CNTRL: variants seen among roughly 807,000 people sequenced by gnomAD.
CNTRL encodes the protein 110 kDa centrosomal protein.
Under a neutral mutation model 303.7 loss-of-function variants are expected in CNTRL, and 233 were observed. That is an observed-to-expected ratio of 0.77 (90% CI 0.69 to 0.86). CNTRL has a LOEUF of 0.86. CNTRL is among the 40% of genes least tolerant of loss of function. CNTRL has a pLI of 0.00. For missense variants in CNTRL, 2,524 were observed against 2,650.6 expected (o/e 0.95, Z 1.05); for synonymous variants, 900 against 922.2 (o/e 0.98, Z 0.44).
At chr9:121,090,843 A>G (rs2048538540) in intron 4 of CNTRL, among the ~76,000 whole-genome samples, 1 of 152,202 alleles carries the variant, frequency 6.6e-6, no homozygotes, top group Non-Finnish European at 1.5e-5. Context: ...ATAAAGACAT[A>G]CCCAAGACTG....
intron 21 of CNTRL, 100 bp downstream of exon 21, chr9:121,145,059 A>C (rs1371145659): frequency 5.0e-6 from 6 of 1,188,528 alleles, no homozygotes; most frequent in Non-Finnish European, 4.9e-6. Context: ...TCTGAAGTGC[A>C]ATCAATAGTT....
intron 7 of CNTRL, among the ~76,000 whole-genome samples, chr9:121,098,835 A>C (rs1379986991): frequency 6.6e-6 from 1 of 151,680 alleles, no homozygotes; most frequent in Non-Finnish European, 1.5e-5. Flanking sequence ...CAGACAAAAA[A>C]AAAAACAAAA....
At chr9:121,127,089 G>A (rs922913624) in intron 14 of CNTRL, among the ~76,000 whole-genome samples, 2 of 152,146 alleles carry the variant, frequency 1.3e-5, no homozygotes, top group African/African-American at 4.8e-5. Flanking sequence ...GAAAGTGCTC[G>A]GATTACAGGT....
At chr9:121,131,388 C>A (rs1033531756) in intron 14 of CNTRL, among the ~76,000 whole-genome samples, 8 of 152,072 alleles carry the variant, frequency 5.3e-5, no homozygotes, top group African/African-American at 1.4e-4. Context: ...TTATGTAATA[C>A]CCTTCTTTGT....
intron 14 of CNTRL, among the ~76,000 whole-genome samples, chr9:121,128,593 C>G (rs1219136019): frequency 6.6e-6 from 1 of 152,112 alleles, no homozygotes; most frequent in African/African-American, 2.4e-5. Flanking sequence ...CTGTAGGTTG[C>G]CTGTTCACTC....
At chr9:121,085,254 A>G (rs1190927257) in intron 2 of CNTRL, among the ~76,000 whole-genome samples, 1 of 152,198 alleles carries the variant, frequency 6.6e-6, no homozygotes, top group Non-Finnish European at 1.5e-5. Context: ...TGTGGGAGTT[A>G]GTGACTGGAA....
Position 121,158,949 on chromosome 9 carries a change from C to T in CNTRL, c.4859C>T (p.Ala1620Val). 1 of 1,614,132 alleles carries T rather than the reference C, an allele frequency of 6.2e-7. No homozygotes were observed. The highest frequency in any genetic ancestry group is 8.5e-7 in the Non-Finnish European group (1 of 1,179,996). Residue 1620 changes from alanine to valine, a missense_variant, in exon 31 of 44, where the codon GCA becomes GTA. Ala to Val is a moderately conservative substitution (Grantham distance 64). Coordinates refer to ENST00000373855, the MANE Select transcript of CNTRL (RefSeq NM_007018.6). ...CTACTCCAAGGAAGCATGGTCCAGG[C>T]AAAAGCTGACCTCCAGGAAGCTCTG... ...LHLLQGSMVQ[A>V]KADLQEALRL...
At chr9:121,155,225 CTGTG>C (rs2052506832) in intron 27 of CNTRL, among the ~76,000 whole-genome samples, 1 of 152,094 alleles carries the variant, frequency 6.6e-6, no homozygotes, top group Admixed American at 6.6e-5. Context: ...CGTCCTTATC[CTGTG>C]TGTATCTTTT....
intron 43 of CNTRL, among the ~76,000 whole-genome samples, chr9:121,176,786 CCT>C (rs1300126172): frequency 6.6e-6 from 1 of 152,096 alleles, no homozygotes; most frequent in Non-Finnish European, 1.5e-5. Context: ...ATTTTATTTC[CCT>C]TTTTTTCTGG....
intron 20 of CNTRL, 110 bp downstream of exon 20, chr9:121,144,192 G>A (rs2051695689): frequency 2.1e-6 from 2 of 951,604 alleles, no homozygotes; most frequent in East Asian, 2.7e-5. Flanking sequence ...ATAAACCACT[G>A]TAAAGTTGTC....
At chr9:121,113,009 G>A (rs2049816333) in intron 9 of CNTRL, among the ~76,000 whole-genome samples, 1 of 152,150 alleles carries the variant, frequency 6.6e-6, no homozygotes, top group Admixed American at 6.6e-5. Flanking sequence ...GTCACTGCAA[G>A]TGAGGAAATG....
At chr9:121,165,128 T>C (rs892763071) in intron 35 of CNTRL, 28 bp downstream of exon 35, 3 of 1,527,976 alleles carry the variant, frequency 2.0e-6, no homozygotes, top group Non-Finnish European at 2.6e-6. Flanking sequence ...AGTGAAAGTG[T>C]GTGATTTCCT....
At chr9:121,154,287 T>G (rs185839616) in intron 26 of CNTRL, among the ~76,000 whole-genome samples, 1 of 152,334 alleles carries the variant, frequency 6.6e-6, no homozygotes, top group Admixed American at 6.5e-5. Context: ...GAGTTTTACT[T>G]CAGCCGAATG....
chr9:121,158,839 C>G lies in CNTRL; in HGVS notation c.4765-16C>G, dbSNP rs1335448388. 6.2e-7 allele frequency: 1 copy of G among 1,612,738 alleles called. No individual in the cohort carries two copies. The highest frequency in any genetic ancestry group is 1.1e-5 in the South Asian group (1 of 90,980). The stretch of plus-strand genomic sequence containing the variant: ...TGGCCTTTGTCAAACTTACTCTTCC[C>G]TTTTCTTTAATACAGGTGACAAGTC... On this transcript the variant is annotated splice_polypyrimidine_tract_variant and intron_variant, in intron 30 of 43. Coordinates refer to ENST00000373855, the MANE Select transcript of CNTRL (RefSeq NM_007018.6).
At chr9:121,101,674 A>C (rs1436820898) in intron 7 of CNTRL, among the ~76,000 whole-genome samples, 1 of 152,220 alleles carries the variant, frequency 6.6e-6, no homozygotes. Flanking sequence ...AAAGAAGAAA[A>C]GAGAGAAGAA....
chr9:121,176,920 T>C (rs1382292874), intron 43 of CNTRL, among the ~76,000 whole-genome samples: 2 of 136,676 alleles, frequency 1.5e-5, no homozygotes, highest in Non-Finnish European at 3.2e-5. Flanking sequence ...GCTCACAGGA[T>C]AGATGTTACA....
intron 15 of CNTRL, among the ~76,000 whole-genome samples, chr9:121,137,376 C>A (rs2051254939): frequency 6.6e-6 from 1 of 152,164 alleles, no homozygotes; most frequent in African/African-American, 2.4e-5. Context: ...CAGCTAGACT[C>A]AGAGCTCAGT....
chr9:121,128,251 A>G (rs1457399149), intron 14 of CNTRL, among the ~76,000 whole-genome samples: 2 of 152,152 alleles, frequency 1.3e-5, no homozygotes, highest in African/African-American at 2.4e-5. Flanking sequence ...ACTAGTTTAC[A>G]CTCCCACCAA....
At chr9:121,139,432 G>A (rs1326717324) in intron 16 of CNTRL, among the ~76,000 whole-genome samples, 6 of 152,102 alleles carry the variant, frequency 3.9e-5, no homozygotes, top group African/African-American at 9.7e-5. Flanking sequence ...AAAAAACTAC[G>A]TAGGGGGATT....
Sources: allele counts gnomAD v4.1 joint callset (sites outside exome capture counted in the v4.1 genomes callset), GRCh38; gene constraint gnomAD v4.1.1; transcripts MANE v1.5; gene names NCBI Gene and HGNC (gene_info 2026-07-23, HGNC 2026-07-21).